The following PLEKHA6 variants were observed in gnomAD, a reference collection of about 807,000 sequenced individuals.
The protein encoded by PLEKHA6 is pleckstrin homology domain-containing family A member 6.
In PLEKHA6, 60 loss-of-function variants were observed where a neutral mutation model predicts 116.7. The observed-to-expected ratio is 0.51, with a 90% CI of 0.42 to 0.64. PLEKHA6 has a LOEUF of 0.64. Among genes scored for constraint, PLEKHA6 ranks in the 30% least tolerant of loss-of-function variants. PLEKHA6 has a pLI of 0.00. For missense variants in PLEKHA6, 1,338 were observed against 1,422.7 expected (o/e 0.94, Z 0.96); for synonymous variants, 489 against 556.1 (o/e 0.88, Z 1.70).
chr1:204,226,477 G>A (rs1422949551), intron 21 of PLEKHA6, among the ~76,000 whole-genome samples: 1 of 152,216 alleles, frequency 6.6e-6, no homozygotes, highest in African/African-American at 2.4e-5. Flanking sequence ...GAAACAGGAA[G>A]TTGCCTTTTG....
chr1:204,330,748 AGGCCCCAC>A (rs1672416455), intron 1 of PLEKHA6, among the ~76,000 whole-genome samples: 1 of 74,966 alleles, frequency 1.3e-5, no homozygotes, highest in African/African-American at 6.0e-5. Flanking sequence ...AGCCCTCCCA[AGGCCCCAC>A]CATGAGGTTG....
intron 8 of PLEKHA6, among the ~76,000 whole-genome samples, chr1:204,258,130 A>C (rs1665610949): frequency 6.6e-6 from 1 of 152,222 alleles, no homozygotes; most frequent in Non-Finnish European, 1.5e-5. Flanking sequence ...AGAAACGTGA[A>C]GCCTTATCAG....
At chr1:204,334,114 G>GAT (rs766483353) in intron 1 of PLEKHA6, among the ~76,000 whole-genome samples, 1 of 152,184 alleles carries the variant, frequency 6.6e-6, no homozygotes, top group Non-Finnish European at 1.5e-5. Context: ...GGGATGGGAT[G>GAT]ATATACAAGT....
chr1:204,320,588 G>C (rs149815274), intron 1 of PLEKHA6: 1 of 598,062 alleles, frequency 1.7e-6, no homozygotes, highest in Non-Finnish European at 2.1e-6. Context: ...GGAAACTTTC[G>C]GTCAGCCCTG....
intron 21 of PLEKHA6, among the ~76,000 whole-genome samples, chr1:204,227,848 G>A (rs1238563501): frequency 6.6e-6 from 1 of 152,210 alleles, no homozygotes; most frequent in East Asian, 1.9e-4. Flanking sequence ...TAAGGTGGCT[G>A]TAAGGATCAT....
intron 5 of PLEKHA6, among the ~76,000 whole-genome samples, chr1:204,266,627 C>G (rs183760896): frequency 6.6e-6 from 1 of 151,894 alleles, no homozygotes; most frequent in Non-Finnish European, 1.5e-5. Context: ...AATACAGCAA[C>G]CAGCAACAGC....
At chr1:204,349,356 T>C (rs761628181) in intron 1 of PLEKHA6, among the ~76,000 whole-genome samples, 121 of 152,218 alleles carry the variant, frequency 7.9e-4, no homozygotes, top group Admixed American at 1.6e-3. Context: ...CTGGCCAATA[T>C]GGCGAAACCC....
intron 1 of PLEKHA6, among the ~76,000 whole-genome samples, chr1:204,337,705 G>A (rs1246407660): frequency 6.7e-6 from 1 of 149,322 alleles, no homozygotes; most frequent in African/African-American, 2.6e-5. Context: ...AGAAGATGGC[G>A]GTCTCTCACT....
At chr1:204,229,216 C>T (rs1481056955) in intron 18 of PLEKHA6, 112 bp from the exon 19 acceptor site, 23 of 987,018 alleles carry the variant, frequency 2.3e-5, no homozygotes, top group Non-Finnish European at 3.2e-5. Context: ...AGCTGCCACC[C>T]CACTGCTCCC....
intron 1 of PLEKHA6, among the ~76,000 whole-genome samples, chr1:204,342,337 A>G (rs1040588980): frequency 2.6e-5 from 4 of 152,226 alleles, no homozygotes; most frequent in Admixed American, 2.6e-4. Context: ...ACAAACAAAC[A>G]AACAAAAAAA....
intron 1 of PLEKHA6, among the ~76,000 whole-genome samples, chr1:204,305,121 C>A (rs75273034): frequency 6.6e-6 from 1 of 152,146 alleles, no homozygotes; most frequent in Non-Finnish European, 1.5e-5. Context: ...AAATTGGCAA[C>A]GTAACAGAGA....
intron 1 of PLEKHA6, among the ~76,000 whole-genome samples, chr1:204,290,242 G>T (rs1432712622): frequency 1.3e-5 from 2 of 152,318 alleles, no homozygotes; most frequent in African/African-American, 4.8e-5. Context: ...CTTTGAAGAA[G>T]AATAGGTTTG....
intron 9 of PLEKHA6, among the ~76,000 whole-genome samples, chr1:204,254,455 T>TC (rs904562712): frequency 6.6e-6 from 1 of 152,170 alleles, no homozygotes; most frequent in Non-Finnish European, 1.5e-5. Flanking sequence ...ATTTTTTTTT[T>TC]CTGTAACTTT....
At chr1:204,321,844 C>T (rs538943489) in intron 1 of PLEKHA6, among the ~76,000 whole-genome samples, 2 of 144,158 alleles carry the variant, frequency 1.4e-5, no homozygotes, top group East Asian at 4.0e-4. Flanking sequence ...CAGACTCAGT[C>T]GGCTGGCCCC....
intron 1 of PLEKHA6, among the ~76,000 whole-genome samples, chr1:204,376,535 C>A (rs1673874300): frequency 6.6e-6 from 1 of 152,180 alleles, no homozygotes; most frequent in Admixed American, 6.5e-5. Context: ...AGGCCTAAAG[C>A]AAATGTGGAA....
chr1:204,361,725 G>A (rs922139618), upstream of PLEKHA6, among the ~76,000 whole-genome samples: 2 of 152,254 alleles, frequency 1.3e-5, no homozygotes, highest in Admixed American at 6.5e-5. Context: ...ACCTGCCCTG[G>A]CTCTCCAGGA....
At chr1:204,246,858 G>A (rs957602302) in intron 13 of PLEKHA6, among the ~76,000 whole-genome samples, 2 of 152,192 alleles carry the variant, frequency 1.3e-5, no homozygotes, top group African/African-American at 4.8e-5. Flanking sequence ...AAATCCTGCT[G>A]GGCACAGTGG....
At chr1:204,255,544 T>C in intron 9 of PLEKHA6, 1 of 685,984 alleles carries the variant, frequency 1.5e-6, no homozygotes, top group East Asian at 2.7e-5. Context: ...GTCAAATGGC[T>C]GGAAGATGAG....
Position 204,261,263 on chromosome 1 carries a change from T to C in PLEKHA6, c.524+43A>G. On this transcript the variant is annotated intron_variant, in intron 7 of 22. Transcript: ENST00000272203. The surrounding 1 kb of genome is among the most constrained non-coding windows in gnomAD (Gnocchi z 4.0). The stretch of plus-strand genomic sequence containing the variant: ...GCTGGGTGTGTCTTCCATTCCCCTC[T>C]TTATTCTTCCTGCACCCCCACACTC... 2.5e-6 allele frequency: 4 copies of C among 1,611,782 alleles called. No individual in the cohort carries two copies. Among genetic ancestry groups the C allele is most frequent in the Non-Finnish European group, 3.4e-6 (4 of 1,177,870 alleles).
Sources: allele counts gnomAD v4.1 joint callset (sites outside exome capture counted in the v4.1 genomes callset), GRCh38; gene constraint gnomAD v4.1.1; non-coding constraint Gnocchi (gnomAD v3.1); transcripts MANE v1.5; gene names NCBI Gene and HGNC (gene_info 2026-07-23, HGNC 2026-07-21).